Variants in PIK3CB observed in about 807,000 individuals in gnomAD.
The protein encoded by PIK3CB is phosphatidylinositol-4,5-bisphosphate 3-kinase catalytic subunit beta.
PIK3CB carries 39 observed loss-of-function variants against 136.8 expected under a neutral mutation model. The observed-to-expected ratio is 0.29, with a 90% confidence interval of 0.22 to 0.37. The LOEUF (loss-of-function observed/expected upper bound fraction) is 0.37, where lower values mean the gene tolerates loss of function less well. Among genes scored for constraint, PIK3CB ranks in the 10% least tolerant of loss-of-function variants. The pLI, the probability that PIK3CB is intolerant of heterozygous loss-of-function variation, is 1.00. For synonymous variants in PIK3CB, 428 were observed against 436.6 expected, an observed-to-expected ratio of 0.98 and a Z score of 0.25; for missense variants, 868 against 1,275.4, an observed-to-expected ratio of 0.68 and a Z score of 4.87.
At chr3:138,767,902 C>T (rs949480307) in intron 2 of PIK3CB, among the ~76,000 whole-genome samples, 3 of 152,244 alleles carry the variant, frequency 2.0e-5, no homozygotes, top group African/African-American at 7.2e-5. Flanking sequence ...CAAAGGGCTA[C>T]AGCTCTTCTC....
intron 1 of PIK3CB, among the ~76,000 whole-genome samples, chr3:138,809,014 G>A (rs1259816370): frequency 2.6e-5 from 4 of 151,880 alleles, no homozygotes; most frequent in African/African-American, 7.3e-5. Context: ...GGCCGGGCAC[G>A]GTGGCTCATG....
intron 3 of PIK3CB, among the ~76,000 whole-genome samples, chr3:138,756,508 C>T (rs1489149387): frequency 6.6e-6 from 1 of 152,136 alleles, no homozygotes; most frequent in East Asian, 1.9e-4. Context: ...TTTCTTTTAT[C>T]AGGGGTATCC....
chr3:138,789,717 C>T (rs1441291608), intron 2 of PIK3CB, among the ~76,000 whole-genome samples: 2 of 148,402 alleles, frequency 1.3e-5, no homozygotes, highest in African/African-American at 5.0e-5. Flanking sequence ...TTTTTGGAGA[C>T]GGAGTCTCTC....
intron 2 of PIK3CB, among the ~76,000 whole-genome samples, chr3:138,783,960 C>T (rs1010893842): frequency 1.3e-5 from 2 of 152,134 alleles, no homozygotes; most frequent in African/African-American, 4.8e-5. Flanking sequence ...CCTCATTGGT[C>T]ACCAAGAAAA....
At chr3:138,667,542 TTTTA>T (rs1233631407) in intron 19 of PIK3CB, among the ~76,000 whole-genome samples, 1 of 151,708 alleles carries the variant, frequency 6.6e-6, no homozygotes, top group Non-Finnish European at 1.5e-5. Context: ...TTTTATGCTT[TTTTA>T]TTTATTTTTA....
intron 2 of PIK3CB, among the ~76,000 whole-genome samples, chr3:138,792,917 AC>A (rs1324973741): frequency 6.6e-6 from 1 of 152,172 alleles, no homozygotes; most frequent in Non-Finnish European, 1.5e-5. Context: ...AGCCAATATT[AC>A]ACGTGTGTGC....
At chr3:138,726,599 A>G (rs1261942957) in intron 8 of PIK3CB, among the ~76,000 whole-genome samples, 1 of 152,214 alleles carries the variant, frequency 6.6e-6, no homozygotes, top group East Asian at 1.9e-4. Context: ...AAAAAGAGGT[A>G]CAATTCATAC....
At position 138,834,922 on chromosome 3, in the gene PIK3CB, C is replaced by G. The variant is rs1224957995; in HGVS notation, c.-349G>C. On this transcript the variant is annotated 5_prime_UTR_variant, in exon 1 of 24. Transcript: ENST00000674063. ...CGCGCGCCGCCGCCGAACCCGCGCC[C>G]GTGTGCGCGCGCGCCAGCCTCTCAG... The G allele has an allele frequency of 1.3e-5, 2 of 150,758 alleles. No homozygotes were observed. The highest frequency in any genetic ancestry group is 3.0e-5 in the Non-Finnish European group (2 of 67,488). 9.3% of individuals were successfully genotyped at this position (150,758 alleles called of 1,614,324 possible).
intron 14 of PIK3CB, among the ~76,000 whole-genome samples, chr3:138,693,990 A>ATATATT (rs2044081224): frequency 4.3e-5 from 5 of 115,468 alleles, no homozygotes; most frequent in Non-Finnish European, 8.7e-5. Context: ...ATATATATAT[A>ATATATT]TATTTTAAAC....
intron 19 of PIK3CB, among the ~76,000 whole-genome samples, chr3:138,670,481 C>T (rs149512464): frequency 2.5e-4 from 38 of 152,280 alleles, no homozygotes; most frequent in African/African-American, 9.1e-4. Context: ...AGTTGGTAAA[C>T]TCTTCCCAGA....
At chr3:138,695,931 ATTTT>A (rs34470924) in intron 13 of PIK3CB, among the ~76,000 whole-genome samples, 2 of 90,810 alleles carry the variant, frequency 2.2e-5, no homozygotes, top group East Asian at 3.4e-4. Context: ...AATTTTTTGT[ATTTT>A]TTTTTTTTTT....
intron 8 of PIK3CB, among the ~76,000 whole-genome samples, chr3:138,720,736 C>T (rs1465655923): frequency 1.3e-5 from 2 of 151,980 alleles, no homozygotes; most frequent in Non-Finnish European, 2.9e-5. Flanking sequence ...GGTGTGGTGG[C>T]GTGCACCTGT....
rs1247198100 is a variant in PIK3CB at position 138,660,417 on chromosome 3, C to T, written c.2797-2582G>A. On this transcript the variant is annotated intron_variant, in intron 21 of 23. Transcript: ENST00000674063. ...ATTTTTTTGCTTTGATTTTTAAAATCACCCTCTGTTTACTGCAGTTACCCT... is the reference window on the plus strand; with the variant it reads ...ATTTTTTTGCTTTGATTTTTAAAATTACCCTCTGTTTACTGCAGTTACCCT... 7.2e-5 allele frequency among the ~76,000 whole-genome samples: 11 copies of T among 152,186 alleles called. No individual in the cohort carries two copies. In the South Asian group the frequency reaches 1.7e-3, roughly 23 times the overall value.
intron 1 of PIK3CB, among the ~76,000 whole-genome samples, chr3:138,829,203 C>G (rs1240131075): frequency 6.6e-6 from 1 of 151,944 alleles, no homozygotes; most frequent in Non-Finnish European, 1.5e-5. Context: ...TGGATTGCTT[C>G]AGCCTAGGAA....
In PIK3CB at chr3:138,759,214, A is replaced by T. The variant is rs778448578; in HGVS notation, c.130T>A (p.Leu44Met). The change falls in exon 3 of 24, where the codon TTG becomes ATG. Residue 44 changes from leucine (L) to methionine (M), a missense_variant. Transcript: ENST00000674063. ...FLLPTGIYIQ[L>M]EVPREATISY... Reference sequence around the variant, plus strand: ...ATGGTAGCTTCCCGAGGTACCTCCAACTGGATATAAATCCCAGTGGGCAAA... The same window carrying T: ...ATGGTAGCTTCCCGAGGTACCTCCATCTGGATATAAATCCCAGTGGGCAAA... The T allele has an allele frequency of 6.2e-7, 1 of 1,611,854 alleles. No individual in the cohort carries two copies. The highest frequency in any genetic ancestry group is 8.5e-7 in the Non-Finnish European group (1 of 1,178,252).
At position 138,755,886 on chromosome 3, in the gene PIK3CB, A is replaced by G. The variant is rs1161845385; in HGVS notation, c.265T>C (p.Tyr89His). 1 of 1,611,582 alleles carries G rather than the reference A, an allele frequency of 6.2e-7. No homozygotes were observed. The highest frequency in any genetic ancestry group is 1.1e-5 in the South Asian group (1 of 91,004). The change falls in exon 4 of 24, where the codon TAT becomes CAT. Residue 89 changes from tyrosine (Y) to histidine (H), a missense_variant. Physicochemically the swap from Tyr to His is moderately conservative, Grantham distance 83. This residue lies in a region of PIK3CB where 612 missense variants were observed against 801.1 expected (regional missense o/e 0.76). Transcript: ENST00000674063. ...MFACVNQTAVYEELEDETRRL... is the reference protein window; with the variant it reads ...MFACVNQTAVHEELEDETRRL... ...CGTGTTTCATCTTCAAGCTCCTCAT[A>G]TACAGCAGTCTGATTCACACATGCA...
chr3:138,683,545 T>C (rs1334795007), intron 18 of PIK3CB, 133 bp downstream of exon 18: 2 of 617,526 alleles, frequency 3.2e-6, no homozygotes, highest in East Asian at 5.4e-5. Context: ...AACTTGACTT[T>C]AGGACCATTA....
rs376208219 is a variant in PIK3CB at position 138,769,879 on chromosome 3, A to G, written c.-16-10520T>C. ...ATCTTAGGAGTTACAGACCCTACCCATTTTAAAGATAAGAAAACTAAAGCT... is the reference window on the plus strand; with the variant it reads ...ATCTTAGGAGTTACAGACCCTACCCGTTTTAAAGATAAGAAAACTAAAGCT... On this transcript the variant is annotated intron_variant, in intron 2 of 23. Transcript: ENST00000674063. Among the ~76,000 whole-genome samples the G allele has an allele frequency of 5.2e-4, 79 of 152,318 alleles. 2 individuals carry two copies. In the South Asian group the frequency reaches 0.01, roughly 20 times the overall value.
At chr3:138,801,215 GA>G (rs2046170595) in intron 1 of PIK3CB, among the ~76,000 whole-genome samples, 1 of 152,112 alleles carries the variant, frequency 6.6e-6, no homozygotes. Flanking sequence ...CCATTATAAT[GA>G]AATGAGGTGA....
Sources: gnomAD v4.1 joint callset for allele counts (sites outside exome capture counted in the v4.1 genomes callset) on GRCh38, gnomAD v4.1.1 for gene constraint, gnomAD v4.1.1 regional missense constraint, MANE v1.5 for transcripts, NCBI Gene and HGNC (gene_info 2026-07-23, HGNC 2026-07-21) for gene names.